NRG3: variants seen among roughly 807,000 people sequenced by gnomAD.
NRG3 encodes the protein neuregulin 3, also known as pro-neuregulin-3, membrane-bound isoform.
A neutral mutation model predicts 66.9 loss-of-function variants in NRG3; 31 were observed. The ratio of observed to expected loss-of-function variants is 0.46; its 90% CI spans 0.35 to 0.63. The LOEUF (loss-of-function observed/expected upper bound fraction) is 0.63. NRG3 is among the 20% of genes least tolerant of loss of function. The pLI is 0.00. For missense variants in NRG3, 910 were observed against 878.9 expected (o/e 1.04, Z -0.45); for synonymous variants, 393 against 359.4 (o/e 1.09, Z -1.06).
intron 3 of NRG3, among the ~76,000 whole-genome samples, chr10:82,767,923 A>G (rs1256860182): frequency 6.6e-6 from 1 of 151,640 alleles, no homozygotes; most frequent in Non-Finnish European, 1.5e-5. Context: ...GTTTAAGAGT[A>G]AAGTATGAGG....
intron 1 of NRG3, among the ~76,000 whole-genome samples, chr10:81,986,084 C>G (rs1053394332): frequency 1.3e-5 from 2 of 152,054 alleles, no homozygotes; most frequent in Non-Finnish European, 2.9e-5. Context: ...TTGATCATCA[C>G]TGTAAAGAAA....
intron 2 of NRG3, among the ~76,000 whole-genome samples, chr10:82,676,912 G>A (rs1156862938): frequency 2.6e-5 from 4 of 151,964 alleles, no homozygotes; most frequent in African/African-American, 9.7e-5. Flanking sequence ...TCACTTTGAG[G>A]CAGAGAAAAC....
In NRG3 at chr10:82,727,995, C is replaced by T. The variant is rs1298910224; in HGVS notation, c.954-10582C>T. ...TTGGACTTGCATGGGACCTGTAGCCCCTTCATTTTGGCCAATTTCTCCCAT... is the reference window on the plus strand; with the variant it reads ...TTGGACTTGCATGGGACCTGTAGCCTCTTCATTTTGGCCAATTTCTCCCAT... On this transcript the variant is annotated intron_variant, in intron 2 of 8. Coordinates refer to ENST00000372141, the MANE Select transcript of NRG3 (RefSeq NM_001010848.4). Among the ~76,000 whole-genome samples the T allele has an allele frequency of 2.0e-5, 3 of 151,728 alleles. No individual in the cohort carries two copies. In the East Asian group the frequency reaches 5.8e-4, roughly 29 times the overall value.
At chr10:82,287,340 A>T (rs2079477140) in intron 1 of NRG3, among the ~76,000 whole-genome samples, 2 of 152,074 alleles carry the variant, frequency 1.3e-5, no homozygotes, top group African/African-American at 2.4e-5. Flanking sequence ...TGCCATGGGT[A>T]AAAGCTCCCT....
In NRG3 at chr10:82,897,620, G is replaced by T. The variant is rs546100775; in HGVS notation, c.1054+32183G>T. Among the ~76,000 whole-genome samples, 3 of 152,332 alleles carry T rather than the reference G, an allele frequency of 2.0e-5. No individual in the cohort carries two copies. In the East Asian group the frequency reaches 5.8e-4, roughly 29 times the overall value. ...TGCAACCTCTGCCTCCCGGGTTCAA[G>T]TGATTCTCCTGCCTCAGCCTCCCGA... On this transcript the variant is annotated intron_variant, in intron 4 of 8. Coordinates refer to ENST00000372141, the MANE Select transcript of NRG3 (RefSeq NM_001010848.4).
intron 1 of NRG3, among the ~76,000 whole-genome samples, chr10:82,347,278 G>T (rs1271062464): frequency 6.7e-6 from 1 of 149,438 alleles, no homozygotes; most frequent in African/African-American, 2.5e-5. Context: ...CTTTGTTCTC[G>T]TTGGTTTCAA....
At chr10:82,795,789 G>C (rs1053915575) in intron 3 of NRG3, among the ~76,000 whole-genome samples, 3 of 152,120 alleles carry the variant, frequency 2.0e-5, no homozygotes, top group Admixed American at 6.6e-5. Context: ...TTTCAGGAAA[G>C]ATTGTTTTGT....
At chr10:82,847,901 A>G (rs1397694977) in intron 3 of NRG3, among the ~76,000 whole-genome samples, 1 of 152,242 alleles carries the variant, frequency 6.6e-6, no homozygotes, top group African/African-American at 2.4e-5. Context: ...CATGTTATAG[A>G]GTAGGCATTG....
chr10:82,863,943 G>A (rs1410612296), intron 3 of NRG3, among the ~76,000 whole-genome samples: 1 of 152,178 alleles, frequency 6.6e-6, no homozygotes, highest in Non-Finnish European at 1.5e-5. Context: ...TGACCACAGA[G>A]TAAGCAGTCA....
At chr10:82,708,415 A>G (rs760825634) in intron 2 of NRG3, among the ~76,000 whole-genome samples, 5 of 152,152 alleles carry the variant, frequency 3.3e-5, no homozygotes, top group Admixed American at 1.3e-4. Context: ...TCACCCAAGT[A>G]ATAAGCATAG....
intron 1 of NRG3, among the ~76,000 whole-genome samples, chr10:82,052,982 T>G (rs1453992275): frequency 1.3e-5 from 2 of 152,068 alleles, no homozygotes; most frequent in Non-Finnish European, 2.9e-5. Flanking sequence ...ACTAATTATT[T>G]TATTAATTCA....
chr10:82,202,873 G>A (rs2074918115), intron 1 of NRG3, among the ~76,000 whole-genome samples: 1 of 152,272 alleles, frequency 6.6e-6, no homozygotes, highest in Admixed American at 6.5e-5. Context: ...ATTACTGAAT[G>A]CTATTAGACT....
chr10:82,364,449 C>G (rs1589861028), intron 2 of NRG3, among the ~76,000 whole-genome samples: 1 of 152,232 alleles, frequency 6.6e-6, no homozygotes, highest in East Asian at 1.9e-4. Context: ...TCAAAATATT[C>G]TGAATAAAAT....
At chr10:82,199,407 A>G (rs1359231884) in intron 1 of NRG3, among the ~76,000 whole-genome samples, 3 of 152,106 alleles carry the variant, frequency 2.0e-5, no homozygotes. Context: ...TAGTTCAAAC[A>G]TGTTCTGGGA....
At chr10:82,933,053 A>T (rs1847731872) in intron 4 of NRG3, among the ~76,000 whole-genome samples, 1 of 152,080 alleles carries the variant, frequency 6.6e-6, no homozygotes, top group Non-Finnish European at 1.5e-5. Context: ...GTGAAAAAAG[A>T]TTCTTAGCTA....
chr10:82,535,636 G>A (rs1020491247), intron 2 of NRG3, among the ~76,000 whole-genome samples: 20 of 152,288 alleles, frequency 1.3e-4, no homozygotes, highest in Admixed American at 1.0e-3. Flanking sequence ...CACACTAATA[G>A]GGATGCAGAG....
intron 3 of NRG3, among the ~76,000 whole-genome samples, chr10:82,761,853 AT>A (rs1292358603): frequency 2.0e-5 from 3 of 151,016 alleles, no homozygotes; most frequent in African/African-American, 2.4e-5. Flanking sequence ...TATAAATTGT[AT>A]TTTTTTCTTT....
chr10:82,890,353 C>A (rs1187568085), intron 4 of NRG3, among the ~76,000 whole-genome samples: 1 of 152,096 alleles, frequency 6.6e-6, no homozygotes, highest in African/African-American at 2.4e-5. Flanking sequence ...CACAGTACTT[C>A]CGTTATCTCA....
At chr10:82,033,996 T>C (rs1239718753) in intron 1 of NRG3, among the ~76,000 whole-genome samples, 1 of 152,168 alleles carries the variant, frequency 6.6e-6, no homozygotes, top group Non-Finnish European at 1.5e-5. Context: ...TAATGATCTT[T>C]AACTACCTTA....
Sources: gnomAD v4.1 joint callset for allele counts (sites outside exome capture counted in the v4.1 genomes callset) on GRCh38, gnomAD v4.1.1 for gene constraint, MANE v1.5 for transcripts, NCBI Gene and HGNC (gene_info 2026-07-23, HGNC 2026-07-21) for gene names.